SNRNP200: variants seen among roughly 807,000 people sequenced by gnomAD.
SNRNP200 encodes the protein U5 small nuclear ribonucleoprotein 200 kDa helicase.
A neutral mutation model predicts 255.2 loss-of-function variants in SNRNP200; 66 were observed. The observed-to-expected ratio is 0.26, with a 90% CI of 0.21 to 0.32. The LOEUF (loss-of-function observed/expected upper bound fraction) is 0.32, where lower values mean the gene tolerates loss of function less well. Among genes scored for constraint, SNRNP200 ranks in the 10% least tolerant of loss-of-function variants. The pLI is 1.00. For missense variants in SNRNP200, 1,585 were observed against 2,749.8 expected, an observed-to-expected ratio of 0.58 and a Z score of 9.47; for synonymous variants, 939 against 1,027.8, an observed-to-expected ratio of 0.91 and a Z score of 1.65.
intron 43 of SNRNP200, among the ~76,000 whole-genome samples, chr2:96,275,846 C>T (rs1235123865): frequency 6.6e-6 from 1 of 152,132 alleles, no homozygotes; most frequent in Non-Finnish European, 1.5e-5. Flanking sequence ...ACCAAAAATA[C>T]AAAAAAGAAA....
chr2:96,292,454 GCTCAA>G (rs764115852), intron 16 of SNRNP200, among the ~76,000 whole-genome samples: 99 of 152,236 alleles, frequency 6.5e-4, no homozygotes, highest in Admixed American at 2.7e-3. Context: ...AGTTAACATT[GCTCAA>G]CTCGACTTTC....
chr2:96,291,351 T>C lies in SNRNP200; in HGVS notation c.2421+41A>G. On this transcript the variant is annotated intron_variant, in intron 18 of 44. Coordinates refer to ENST00000323853, the MANE Select transcript of SNRNP200 (RefSeq NM_014014.5). The surrounding 1 kb of genome is among the most constrained non-coding windows in gnomAD (Gnocchi z 4.2). ...ACTTGACATTGCCCATCTTCTGAAGTATGTCCCACCTGCTCCTCCAAACGC... is the reference window on the plus strand; with the variant it reads ...ACTTGACATTGCCCATCTTCTGAAGCATGTCCCACCTGCTCCTCCAAACGC... The C allele has an allele frequency of 9.1e-7, 1 of 1,100,070 alleles. No individual in the cohort carries two copies. Among genetic ancestry groups the C allele is most frequent in the Non-Finnish European group, 1.4e-6 (1 of 710,282 alleles). The allele number at this position is 1,100,070 out of a possible 1,614,324, so 68.1% of individuals were successfully genotyped here. A position where few individuals can be genotyped will look rare whatever the true frequency, so the allele number is the denominator to read the frequency against.
In SNRNP200 at chr2:96,288,398, C is replaced by T. The variant is rs887758182; in HGVS notation, c.3258+265G>A. On this transcript the variant is annotated intron_variant, in intron 24 of 44. Transcript: ENST00000323853. ...CTTTGCTGCTGGGAAGCAGACACTG[C>T]GTGCTGTGGCTCTTCCTGTCTCTCT... is the stretch of plus-strand genomic sequence containing the variant. Among the ~76,000 whole-genome samples the T allele has an allele frequency of 3.3e-5, 5 of 152,198 alleles. No homozygotes were observed. The South Asian group carries it at 1.0e-3, about 32-fold the overall frequency.
In SNRNP200 at chr2:96,277,768, G is replaced by T; in HGVS notation, c.5754+39C>A. ...GGCGGAGTTGGAGCTGAGATGTTTA[G>T]AGCACCACTGACCCCTCTGCCCCAC... On this transcript the variant is annotated intron_variant, in intron 40 of 44. Transcript: ENST00000323853. This position sits in a 1 kb window ranked among gnomAD's most constrained non-coding sequence, Gnocchi z 4.4. 1.9e-6 allele frequency: 3 copies of T among 1,614,080 alleles called. No homozygotes were observed. Among genetic ancestry groups the T allele is most frequent in the Non-Finnish European group, 2.5e-6 (3 of 1,180,016 alleles).
Position 96,278,459 on chromosome 2 carries a change from A to T in SNRNP200, c.5488+88T>A, listed in dbSNP as rs1684705704. On this transcript the variant is annotated intron_variant, in intron 38 of 44. Coordinates refer to ENST00000323853, the MANE Select transcript of SNRNP200 (RefSeq NM_014014.5). The surrounding 1 kb of genome is among the most constrained non-coding windows in gnomAD (Gnocchi z 6.9). ...TCCCCTGCAGTGTCATCCCGCTGAC[A>T]AACACGGGCGCACCTCTCATCCCAG... 1 of 1,611,100 alleles carries T rather than the reference A, an allele frequency of 6.2e-7. No homozygotes were observed. Among genetic ancestry groups the T allele is most frequent in the Middle Eastern group, 1.7e-4 (1 of 6,056 alleles).
intron 35 of SNRNP200, among the ~76,000 whole-genome samples, chr2:96,280,991 TACAGGTGAGTGGCTTGAATA>T (rs1398640214): frequency 6.5e-4 from 98 of 151,838 alleles, no homozygotes; most frequent in Admixed American, 2.0e-3. Flanking sequence ...TGGCTTGAAT[TACAGGTGAGTGGCTTGAATA>T]ACAGGCACCT....
chr2:96,276,857 T>A (rs751971672), intron 43 of SNRNP200, 47 bp downstream of exon 43: 1 of 1,580,740 alleles, frequency 6.3e-7, no homozygotes, highest in Non-Finnish European at 8.7e-7. Context: ...ACCTAGCCAA[T>A]GGATAGGGTG....
chr2:96,275,030 T>C lies in SNRNP200; in HGVS notation c.6393A>G (p.Thr2131=), dbSNP rs2104327015. The C allele has an allele frequency of 1.2e-6, 2 of 1,614,222 alleles. No individual in the cohort carries two copies. Among genetic ancestry groups the C allele is most frequent in the Non-Finnish European group, 1.7e-6 (2 of 1,180,046 alleles). Reference sequence around the variant, plus strand: ...TCAGGACTCAATCTGAATCACTGTCTGTCTCAGCTTCTTTCACATCCACGC... The same window carrying C: ...TCAGGACTCAATCTGAATCACTGTCCGTCTCAGCTTCTTTCACATCCACGC... ...KFSVDVKEAE[T]DSDSD is the part of the protein sequence containing the mutation. Residue 2131 remains threonine (T), a synonymous_variant, in exon 45 of 45, where the codon ACA becomes ACG. Coordinates refer to ENST00000323853, the MANE Select transcript of SNRNP200 (RefSeq NM_014014.5).
Position 96,298,344 on chromosome 2 carries a change from G to C in SNRNP200, c.1059C>G (p.Asp353Glu). The part of the protein sequence containing the change: ...KERIMGKMEA[D>E]PELSKFLYQL... ...GGTAGAGGAACTTGGATAGCTCTGGGTCAGCTTCCATCTTTCCCATAATCC... is the reference window on the plus strand; with the variant it reads ...GGTAGAGGAACTTGGATAGCTCTGGCTCAGCTTCCATCTTTCCCATAATCC... The change falls in exon 9 of 45, where the codon GAC becomes GAG. Residue 353 changes from aspartate to glutamate, a missense_variant. Asp to Glu is a conservative substitution (Grantham distance 45, BLOSUM62 2). Coordinates refer to ENST00000323853, the MANE Select transcript of SNRNP200 (RefSeq NM_014014.5). 6.2e-7 allele frequency: 1 copy of C among 1,614,134 alleles called. No homozygotes were observed.
At position 96,284,407 on chromosome 2, in the gene SNRNP200, A is replaced by C. The variant is rs765344794; in HGVS notation, c.4343T>G (p.Ile1448Ser). 6.2e-7 allele frequency: 1 copy of C among 1,614,150 alleles called. No individual in the cohort carries two copies. Among genetic ancestry groups the C allele is most frequent in the South Asian group, 1.1e-5 (1 of 91,076 alleles). The change falls in exon 31 of 45, where the codon ATC becomes AGC. Residue 1448 changes from isoleucine to serine, a missense_variant. By Grantham distance (142) the Ile-to-Ser change is moderately radical. This residue lies in a region of SNRNP200 where 719 missense variants were observed against 1,091.1 expected (regional missense o/e 0.66). Coordinates refer to ENST00000323853, the MANE Select transcript of SNRNP200 (RefSeq NM_014014.5). ...RWKQRKNVQN[I>S]NLFVVDEVHL... ...GACCTCATCCACCACGAAGAGGTTG[A>C]TGTTCTGCACGTTCTTGCGCTGCTT...
chr2:96,285,668 A>C (rs947313837), intron 29 of SNRNP200, among the ~76,000 whole-genome samples: 1 of 152,250 alleles, frequency 6.6e-6, no homozygotes, highest in African/African-American at 2.4e-5. Context: ...CGGGACAGAA[A>C]GGAACTGGAT....
chr2:96,288,824 G>C (rs1019625361), intron 23 of SNRNP200, 78 bp from the exon 24 acceptor site: 1 of 1,266,270 alleles, frequency 7.9e-7, no homozygotes, highest in Non-Finnish European at 1.2e-6. Context: ...TCTGCTCTGA[G>C]CATCCAGGCC....
Position 96,278,906 on chromosome 2 carries a change from G to A in SNRNP200, c.5226C>T (p.Thr1742=). Residue 1742 remains threonine, a synonymous_variant, in exon 37 of 45, where the codon ACC becomes ACT. Coordinates refer to ENST00000323853, the MANE Select transcript of SNRNP200 (RefSeq NM_014014.5). The surrounding 1 kb of genome is among the most constrained non-coding windows in gnomAD (Gnocchi z 6.9). ...CATCCTGCTTGTTCTCAATGGTCTT[G>A]GTGACGATCTCAGCATTGAAGTGGT... ...MHDHFNAEIV[T]KTIENKQDAV... is the part of the protein sequence containing the mutation. 6.2e-7 allele frequency: 1 copy of A among 1,614,160 alleles called. No homozygotes were observed. Among genetic ancestry groups the A allele is most frequent in the Non-Finnish European group, 8.5e-7 (1 of 1,180,018 alleles).
At chr2:96,276,773 A>C in intron 43 of SNRNP200, 131 bp downstream of exon 43, 1 of 914,536 alleles carries the variant, frequency 1.1e-6, no homozygotes. Context: ...CCTCAAGATT[A>C]ATTCTCACCC....
At position 96,281,874 on chromosome 2, in the gene SNRNP200, T is replaced by C; in HGVS notation, c.4964A>G (p.Asn1655Ser). ...VASRSLCWGMNVAAHLVIIMD... is the reference protein window; with the variant it reads ...VASRSLCWGMSVAAHLVIIMD... ...GATGATTACCAGGTGGGCAGCCACG[T>C]TCATGCCCCAGCAGAGACTCCGAGA... The change falls in exon 35 of 45, where the codon AAC (asparagine) becomes AGC (serine). Residue 1655 changes from asparagine (N) to serine (S), a missense_variant. Asn to Ser is a conservative substitution (Grantham distance 46). Transcript: ENST00000323853. The C allele has an allele frequency of 6.2e-7, 1 of 1,614,046 alleles. No homozygotes were observed. Among genetic ancestry groups the C allele is most frequent in the Non-Finnish European group, 8.5e-7 (1 of 1,179,984 alleles).
intron 34 of SNRNP200, chr2:96,282,170 G>C: frequency 4.2e-6 from 2 of 472,966 alleles, no homozygotes; most frequent in South Asian, 4.2e-5. Flanking sequence ...CCAAAGCCCA[G>C]GAACACCAAG....
Position 96,289,335 on chromosome 2 carries a change from A to T in SNRNP200, c.2985T>A (p.Asn995Lys). ...GRIASHYYIT[N>K]DTVQTYNQLL... ...GCTGGTTGTAAGTCTGCACTGTATC[A>T]TTGGTGATGTAGTAGTGGCTGGCTA... is the stretch of plus-strand genomic sequence containing the variant. Residue 995 changes from asparagine to lysine, a missense_variant, in exon 22 of 45, where the codon AAT becomes AAA. Asn to Lys is a moderately conservative substitution (Grantham distance 94, BLOSUM62 0). Coordinates refer to ENST00000323853, the MANE Select transcript of SNRNP200 (RefSeq NM_014014.5). 1 of 1,614,214 alleles carries T rather than the reference A, an allele frequency of 6.2e-7. No individual in the cohort carries two copies. The highest frequency in any genetic ancestry group is 8.5e-7 in the Non-Finnish European group (1 of 1,180,036).
At chr2:96,284,723 T>C in intron 30 of SNRNP200, 138 bp from the exon 31 acceptor site, 1 of 691,608 alleles carries the variant, frequency 1.4e-6, no homozygotes, top group Non-Finnish European at 2.6e-6. Context: ...TAGCAGCCTC[T>C]ATGCGATGCG....
In SNRNP200 at chr2:96,277,821, C is replaced by T; in HGVS notation, c.5740G>A (p.Glu1914Lys). The T allele has an allele frequency of 6.2e-7, 1 of 1,614,238 alleles. No homozygotes were observed. The highest frequency in any genetic ancestry group is 2.2e-5 in the East Asian group (1 of 44,892). ...LSAELQSDTEEILSKAIRLIQ... is the reference protein window; with the variant it reads ...LSAELQSDTEKILSKAIRLIQ... ...CCACACTCTACCTTACTAAGGATTT[C>T]CTCCGTATCTGACTGCAACTCAGCA... Residue 1914 changes from glutamate (E) to lysine (K), a missense_variant, in exon 40 of 45, where the codon GAA becomes AAA. By Grantham distance (56) the Glu-to-Lys change is moderately conservative. This residue lies in a region of SNRNP200 where 279 missense variants were observed against 551.2 expected (regional missense o/e 0.51). Transcript: ENST00000323853. This position sits in a 1 kb window ranked among gnomAD's most constrained non-coding sequence, Gnocchi z 4.4.
Sources: gnomAD v4.1 joint callset for allele counts (sites outside exome capture counted in the v4.1 genomes callset) on GRCh38, gnomAD v4.1.1 for gene constraint, gnomAD v4.1.1 regional missense constraint, Gnocchi (gnomAD v3.1) non-coding constraint, MANE v1.5 for transcripts, NCBI Gene and HGNC (gene_info 2026-07-23, HGNC 2026-07-21) for gene names.